The following SGPP2 variants were observed in gnomAD, a reference collection of about 807,000 sequenced individuals.
SGPP2 encodes sphingosine 1-phosphate phosphohydrolase 2.
SGPP2 carries 30 observed loss-of-function variants against 33.9 expected under a neutral mutation model. The ratio of observed to expected loss-of-function variants is 0.89; its 90% confidence interval spans 0.66 to 1.20. The LOEUF is 1.20. Ranked by LOEUF, SGPP2 falls within the 50% of genes most tolerant of loss-of-function variation. The pLI is 0.00. For missense variants in SGPP2, 458 were observed against 532.1 expected, an observed-to-expected ratio of 0.86 and a Z score of 1.37; for synonymous variants, 233 against 225.0, an observed-to-expected ratio of 1.04 and a Z score of -0.32.
chr2:222,524,887 A>G lies in SGPP2; in HGVS notation c.559-57A>G, dbSNP rs758570144. 169 of 1,362,702 alleles carry G rather than the reference A, an allele frequency of 1.2e-4. 1 individual carries two copies. Among genetic ancestry groups the G allele is most frequent in the Non-Finnish European group, 1.7e-4 (163 of 960,552 alleles). The allele number at this position is 1,362,702 out of a possible 1,614,324, so 84.4% of individuals were successfully genotyped here. A position where few individuals can be genotyped will look rare whatever the true frequency, so the allele number is the denominator to read the frequency against. ...GAATCCTATTCCCACCTATGACATC[A>G]AATCATGTATGTCTGAGTGTGATCT... On this transcript the variant is annotated intron_variant, in intron 3 of 4. Transcript: ENST00000321276.
chr2:222,478,518 G>C (rs1048766843), intron 2 of SGPP2, among the ~76,000 whole-genome samples: 1 of 152,094 alleles, frequency 6.6e-6, no homozygotes, highest in Non-Finnish European at 1.5e-5. Flanking sequence ...TTCAGAAAAC[G>C]ATATCCCTAA....
In SGPP2 at chr2:222,465,214, T is replaced by TG. The variant is rs1458201413; in HGVS notation, c.220-9354_220-9353insG. The stretch of plus-strand genomic sequence containing the variant: ...ATTTTATTGACTTTCAGTCTCGCCA[T>TG]CCTGAAATTTTAATCACCTGAGCGC... On this transcript the variant is annotated intron_variant, in intron 1 of 4. Coordinates refer to ENST00000321276, the MANE Select transcript of SGPP2 (RefSeq NM_152386.4). The surrounding 1 kb of genome is among the most constrained non-coding windows in gnomAD (Gnocchi z 4.1). Among the ~76,000 whole-genome samples the TG allele has an allele frequency of 6.6e-6, 1 of 152,162 alleles. No homozygotes were observed. The highest frequency in any genetic ancestry group is 2.4e-5 in the African/African-American group (1 of 41,434).
intron 2 of SGPP2, among the ~76,000 whole-genome samples, chr2:222,481,502 G>A (rs1023700311): frequency 6.6e-6 from 1 of 152,146 alleles, no homozygotes. Flanking sequence ...AGAAGTTCAA[G>A]ACTTTGAGAA....
chr2:222,488,309 G>A (rs1367175688), intron 2 of SGPP2, among the ~76,000 whole-genome samples: 2 of 152,208 alleles, frequency 1.3e-5, no homozygotes, highest in Non-Finnish European at 1.5e-5. Flanking sequence ...AGCAGGAGGT[G>A]AGCAGTGGGT....
chr2:222,552,635 C>G (rs570931822), intron 4 of SGPP2, among the ~76,000 whole-genome samples: 3 of 152,008 alleles, frequency 2.0e-5, no homozygotes, highest in Non-Finnish European at 4.4e-5. Context: ...CCGAGGTGGG[C>G]GGATCACCTG....
chr2:222,467,969 A>C (rs1366244319), intron 1 of SGPP2, among the ~76,000 whole-genome samples: 31 of 130,146 alleles, frequency 2.4e-4, no homozygotes, highest in African/African-American at 9.9e-4. Flanking sequence ...AAAAAAAAAA[A>C]AAAAAAAAAA....
At chr2:222,487,756 C>T (rs955848328) in intron 2 of SGPP2, among the ~76,000 whole-genome samples, 11 of 152,172 alleles carry the variant, frequency 7.2e-5, no homozygotes, top group African/African-American at 2.7e-4. Flanking sequence ...GGCTGGACAA[C>T]ATAACCACGC....
intron 1 of SGPP2, among the ~76,000 whole-genome samples, chr2:222,446,883 AAAG>A (rs1320683913): frequency 6.6e-6 from 1 of 152,220 alleles, no homozygotes; most frequent in Non-Finnish European, 1.5e-5. Flanking sequence ...AATATGGAAA[AAAG>A]AAGGATTGAG....
chr2:222,437,001 T>A (rs1380221764), intron 1 of SGPP2, among the ~76,000 whole-genome samples: 1 of 152,134 alleles, frequency 6.6e-6, no homozygotes, highest in African/African-American at 2.4e-5. Context: ...CATGGGCCCA[T>A]TGGGTGAAGA....
intron 4 of SGPP2, among the ~76,000 whole-genome samples, chr2:222,547,425 G>C (rs916285110): frequency 2.0e-5 from 3 of 152,182 alleles, no homozygotes; most frequent in Admixed American, 2.0e-4. Context: ...TGTGAATTAT[G>C]GGTGGGGAAA....
At chr2:222,538,636 T>G (rs560280102) in intron 4 of SGPP2, among the ~76,000 whole-genome samples, 1 of 152,332 alleles carries the variant, frequency 6.6e-6, no homozygotes, top group East Asian at 1.9e-4. Flanking sequence ...GAGGCTTAAT[T>G]GCCTCACAGT....
chr2:222,538,720 G>A (rs1698950430), intron 4 of SGPP2, among the ~76,000 whole-genome samples: 1 of 152,176 alleles, frequency 6.6e-6, no homozygotes, highest in South Asian at 2.1e-4. Context: ...AAGGGGAAGG[G>A]AAAGCAGGCG....
intron 1 of SGPP2, among the ~76,000 whole-genome samples, chr2:222,434,098 A>C (rs764234275): frequency 3.3e-5 from 5 of 152,172 alleles, no homozygotes; most frequent in Admixed American, 6.5e-5. Flanking sequence ...AAACACTGTC[A>C]CAGTTTCCAG....
chr2:222,428,543 G>A (rs1038035361), intron 1 of SGPP2, among the ~76,000 whole-genome samples: 1 of 152,100 alleles, frequency 6.6e-6, no homozygotes, highest in Non-Finnish European at 1.5e-5. Context: ...CTTAGGGAGA[G>A]GTTCAAAGAT....
At chr2:222,515,518 G>A (rs1404622635) in intron 2 of SGPP2, among the ~76,000 whole-genome samples, 5 of 151,714 alleles carry the variant, frequency 3.3e-5, no homozygotes, top group East Asian at 2.0e-4. Flanking sequence ...TAGTAGAGAC[G>A]GGGTTTCACC....
At chr2:222,424,437 G>GT (rs1697025835), upstream of SGPP2, 1 of 226,754 alleles carries the variant, frequency 4.4e-6, no homozygotes, top group Non-Finnish European at 8.2e-6. Flanking sequence ...ACACCTGGGC[G>GT]GGCGCTAGGA....
chr2:222,556,366 C>G (rs1169394971), intron 4 of SGPP2, among the ~76,000 whole-genome samples: 2 of 151,956 alleles, frequency 1.3e-5, no homozygotes, highest in Non-Finnish European at 2.9e-5. Context: ...GAAGTGCGTA[C>G]TGGTAAAGCC....
At chr2:222,454,375 CT>C (rs1697538963) in intron 1 of SGPP2, among the ~76,000 whole-genome samples, 1 of 152,176 alleles carries the variant, frequency 6.6e-6, no homozygotes, top group Admixed American at 6.5e-5. Context: ...GTGAAATGTG[CT>C]TACAACTCTC....
At chr2:222,517,524 G>C (rs1470917463) in intron 2 of SGPP2, among the ~76,000 whole-genome samples, 2 of 152,072 alleles carry the variant, frequency 1.3e-5, no homozygotes, top group Non-Finnish European at 2.9e-5. Flanking sequence ...TAAAACCCCT[G>C]TATTCACCAT....
Sources: gnomAD v4.1 joint callset for allele counts (sites outside exome capture counted in the v4.1 genomes callset) on GRCh38, gnomAD v4.1.1 for gene constraint, Gnocchi (gnomAD v3.1) non-coding constraint, MANE v1.5 for transcripts, NCBI Gene and HGNC (gene_info 2026-07-23, HGNC 2026-07-21) for gene names.